The following RECQL variants were observed in gnomAD, a reference collection of about 807,000 sequenced individuals.
The protein encoded by RECQL is RecQ like helicase, also known as ATP-dependent DNA helicase Q1.
Under a neutral mutation model 75.8 loss-of-function variants are expected in RECQL, and 73 were observed. The observed-to-expected ratio is 0.96, with a 90% CI of 0.80 to 1.17. The LOEUF is 1.17. Ranked by LOEUF, RECQL falls within the 50% of genes most tolerant of loss-of-function variation. RECQL has a pLI of 0.00. For synonymous variants in RECQL, 248 were observed against 254.4 expected (o/e 0.97, Z 0.24); for missense variants, 699 against 772.1 (o/e 0.91, Z 1.12).
rs114387146 is a variant in RECQL at position 21,495,868 on chromosome 12, C to T, written c.16+3687G>A. Among the ~76,000 whole-genome samples the T allele has an allele frequency of 7.2e-3, 1,102 of 152,250 alleles. 11 individuals carry two copies. Among genetic ancestry groups the T allele is most frequent in the African/African-American group, 0.025 (1,043 of 41,542 alleles). Reference sequence around the variant, plus strand: ...GGGGCAGCAGCAGGTTCAAGTCCAGCGGCTGCTAGTGATATACAGTGGGCC... The same window carrying T: ...GGGGCAGCAGCAGGTTCAAGTCCAGTGGCTGCTAGTGATATACAGTGGGCC... On this transcript the variant is annotated intron_variant, in intron 2 of 14. Transcript: ENST00000444129.
intron 5 of RECQL, among the ~76,000 whole-genome samples, chr12:21,483,999 ATTAT>A (rs1387783509): frequency 6.6e-6 from 1 of 152,280 alleles, no homozygotes; most frequent in South Asian, 2.1e-4. Flanking sequence ...AACAAAATTT[ATTAT>A]TTATTAACTT....
Position 21,473,660 on chromosome 12 carries a change from G to C in RECQL, c.1356-18C>G, listed in dbSNP as rs768343455. 6.2e-7 allele frequency: 1 copy of C among 1,600,274 alleles called. No individual in the cohort carries two copies. Among genetic ancestry groups the C allele is most frequent in the African/African-American group, 1.3e-5 (1 of 74,530 alleles). ...GACGACATCTGCAAACACATTTAAAGATACAAATTATTAAAGGATATAATA... is the reference window on the plus strand; with the variant it reads ...GACGACATCTGCAAACACATTTAAACATACAAATTATTAAAGGATATAATA... On this transcript the variant is annotated intron_variant, in intron 11 of 14. Coordinates refer to ENST00000444129, the MANE Select transcript of RECQL (RefSeq NM_002907.4).
At chr12:21,475,271 C>T (rs1190455844) in intron 10 of RECQL, among the ~76,000 whole-genome samples, 197 bp downstream of exon 10, 1 of 151,916 alleles carries the variant, frequency 6.6e-6, no homozygotes, top group African/African-American at 2.4e-5. Context: ...TCTTAACACA[C>T]ATAAAAAGAA....
intron 2 of RECQL, among the ~76,000 whole-genome samples, chr12:21,494,572 G>A (rs1236541937): frequency 2.6e-5 from 4 of 152,144 alleles, no homozygotes; most frequent in African/African-American, 9.7e-5. Context: ...AATAAAACAG[G>A]TATAGAGTCC....
At chr12:21,499,725 A>G in intron 1 of RECQL, 110 bp from the exon 2 acceptor site, 2 of 575,484 alleles carry the variant, frequency 3.5e-6, no homozygotes, top group Non-Finnish European at 6.1e-6. Context: ...TTAGAAAGTA[A>G]ATTATATATT....
At chr12:21,490,610 C>T (rs1421441707) in intron 3 of RECQL, among the ~76,000 whole-genome samples, 3 of 152,090 alleles carry the variant, frequency 2.0e-5, no homozygotes, top group Non-Finnish European at 4.4e-5. Flanking sequence ...TTTTGGGAGG[C>T]CTAAGCAGGA....
chr12:21,481,238 G>C (rs1250076045), intron 6 of RECQL, among the ~76,000 whole-genome samples: 1 of 152,198 alleles, frequency 6.6e-6, no homozygotes, highest in African/African-American at 2.4e-5. Flanking sequence ...GTCGAGTAGA[G>C]TTATGGGGAA....
rs1160901647 is a variant in RECQL, at chr12:21,469,608, TAA to T, written c.*584_*585del. 1.3e-5 allele frequency: 2 copies of T among 151,936 alleles called. No individual in the cohort carries two copies. Among genetic ancestry groups the T allele is most frequent in the Admixed American group, 1.3e-4 (2 of 15,168 alleles). 9.4% of individuals were successfully genotyped at this position (151,936 alleles called of 1,614,324 possible). ...TAAGTATATAAAGGCATAAAAAACT[TAA>T]GACAATTACATGAACTTATTCTCAA... On this transcript the variant is annotated 3_prime_UTR_variant, in exon 15 of 15. Transcript: ENST00000444129.
intron 6 of RECQL, among the ~76,000 whole-genome samples, chr12:21,478,647 T>C (rs1302580560): frequency 6.6e-6 from 1 of 152,168 alleles, no homozygotes; most frequent in Non-Finnish European, 1.5e-5. Flanking sequence ...AGCAGTTCAC[T>C]GGGGCTAAGT....
chr12:21,482,664 A>C, intron 6 of RECQL, among the ~76,000 whole-genome samples: 1 of 152,210 alleles, frequency 6.6e-6, no homozygotes, highest in Non-Finnish European at 1.5e-5. Context: ...TCTGGACGGG[A>C]AACAGAGTGA....
At position 21,490,209 on chromosome 12, in the gene RECQL, T is replaced by G; in HGVS notation, c.384A>C (p.Leu128Phe). 6.2e-7 allele frequency: 1 copy of G among 1,609,118 alleles called. No individual in the cohort carries two copies. Among genetic ancestry groups the G allele is most frequent in the Non-Finnish European group, 8.5e-7 (1 of 1,176,342 alleles). The change falls in exon 4 of 15, where the codon TTA becomes TTC. Residue 128 changes from leucine to phenylalanine, a missense_variant. By Grantham distance (22) the Leu-to-Phe change is conservative. Around this residue, in one of 2 missense-constraint regions of RECQL, gnomAD observed 669 missense variants for 713.5 expected, o/e 0.94. Transcript: ENST00000444129. ...GKSLCYQLPA[L>F]CSDGFTLVIC... ...TTTTTTAGTACATACCATCTGAACA[T>G]AATGCTGGTAACTGGTAACATAAGC...
chr12:21,499,501 A>C (rs1477802343), intron 2 of RECQL, 54 bp downstream of exon 2: 2 of 1,449,724 alleles, frequency 1.4e-6, no homozygotes, highest in African/African-American at 2.9e-5. Flanking sequence ...TTCAAATATC[A>C]TACAAACAGA....
In RECQL at chr12:21,475,797, T is replaced by C. The variant is rs1189954738; in HGVS notation, c.977A>G (p.Asp326Gly). The change falls in exon 9 of 15, where the codon GAC (aspartate) becomes GGC (glycine). Residue 326 changes from aspartate (D) to glycine (G), a missense_variant. This residue lies in a region of RECQL where 669 missense variants were observed against 713.5 expected (regional missense o/e 0.94). Transcript: ENST00000444129. The part of the protein sequence containing the change: ...SGIIYCFSQK[D>G]SEQVTVSLQN... ...CAAACTAACCGTAACTTGTTCAGAG[T>C]CTTTCTGAGAAAAACAATATATGAT... The C allele has an allele frequency of 6.2e-7, 1 of 1,612,714 alleles. No individual in the cohort carries two copies. The highest frequency in any genetic ancestry group is 8.5e-7 in the Non-Finnish European group (1 of 1,179,072).
intron 7 of RECQL, 44 bp downstream of exon 7, chr12:21,477,759 G>A (rs371229867): frequency 4.6e-5 from 69 of 1,501,770 alleles, no homozygotes; most frequent in African/African-American, 7.0e-5. Flanking sequence ...TCCCCTCTGC[G>A]TAATTCTTCA....
chr12:21,477,281 C>T (rs944025352), intron 7 of RECQL, among the ~76,000 whole-genome samples: 3 of 151,868 alleles, frequency 2.0e-5, no homozygotes, highest in East Asian at 1.9e-4. Flanking sequence ...AAAAACAAAC[C>T]GTAACATAAA....
At chr12:21,493,469 TA>T (rs111687557) in intron 2 of RECQL, among the ~76,000 whole-genome samples, 17 of 151,012 alleles carry the variant, frequency 1.1e-4, no homozygotes, top group Admixed American at 6.6e-4. Flanking sequence ...TGATTGTCCT[TA>T]AAAAAAAACC....
intron 1 of RECQL, among the ~76,000 whole-genome samples, chr12:21,500,476 C>G (rs923886011): frequency 6.6e-6 from 1 of 152,192 alleles, no homozygotes; most frequent in Non-Finnish European, 1.5e-5. Flanking sequence ...GCTGACCTTA[C>G]GCCCTTTCTA....
chr12:21,497,245 T>C (rs148003224), intron 2 of RECQL, among the ~76,000 whole-genome samples: 1 of 152,298 alleles, frequency 6.6e-6, no homozygotes, highest in East Asian at 1.9e-4. Flanking sequence ...TGAATGCTCA[T>C]GCACCATGCT....
In RECQL at chr12:21,477,959, T is replaced by C; in HGVS notation, c.711A>G (p.Ala237=). ...GGAACTGCCGCTTTAAGATACCAAGTGCCTTATAATCTGAAAAAACAAACA... is the reference window on the plus strand; with the variant it reads ...GGAACTGCCGCTTTAAGATACCAAGCGCCTTATAATCTGAAAAAACAAACA... ...WGHDFRPDYK[A]LGILKRQFPN... The change falls in exon 7 of 15, where the codon GCA becomes GCG. Residue 237 remains alanine, a synonymous_variant. Coordinates refer to ENST00000444129, the MANE Select transcript of RECQL (RefSeq NM_002907.4). 6.2e-7 allele frequency: 1 copy of C among 1,603,480 alleles called. No individual in the cohort carries two copies. The highest frequency in any genetic ancestry group is 8.5e-7 in the Non-Finnish European group (1 of 1,176,528).
Sources: gnomAD v4.1 joint callset for allele counts (sites outside exome capture counted in the v4.1 genomes callset) on GRCh38, gnomAD v4.1.1 for gene constraint, gnomAD v4.1.1 regional missense constraint, MANE v1.5 for transcripts, NCBI Gene and HGNC (gene_info 2026-07-23, HGNC 2026-07-21) for gene names.